EXOSC7: variants seen among roughly 807,000 people sequenced by gnomAD.
The protein encoded by EXOSC7 is exosome complex component RRP42.
EXOSC7 carries 25 observed loss-of-function variants against 34.3 expected under a neutral mutation model. The observed-to-expected ratio is 0.73, with a 90% CI of 0.53 to 1.02. The LOEUF (loss-of-function observed/expected upper bound fraction) is 1.02, where lower values mean the gene tolerates loss of function less well. EXOSC7 is among the 50% of genes least tolerant of loss of function. The probability of loss-of-function intolerance (pLI) is 0.00; values close to 1 mark genes in which losing one functional copy is unlikely to be tolerated. For synonymous variants in EXOSC7, 130 were observed against 143.0 expected, an observed-to-expected ratio of 0.91 and a Z score of 0.65; for missense variants, 370 against 368.5, an observed-to-expected ratio of 1.00 and a Z score of -0.03.
At chr3:44,994,853 ATGGGTGTG>A (rs1463146008) in intron 3 of EXOSC7, among the ~76,000 whole-genome samples, 4 of 98,810 alleles carry the variant, frequency 4.0e-5, no homozygotes, top group African/African-American at 1.6e-4. Flanking sequence ...TGGTGGAAGA[ATGGGTGTG>A]TGTGTGTGTG....
intron 1 of EXOSC7, among the ~76,000 whole-genome samples, chr3:44,979,042 T>C (rs909491119): frequency 6.6e-6 from 1 of 152,238 alleles, no homozygotes; most frequent in Non-Finnish European, 1.5e-5. Flanking sequence ...TGTTGGTAAA[T>C]GCTCAGCTCT....
At chr3:44,981,180 A>G (rs537256100) in intron 1 of EXOSC7, among the ~76,000 whole-genome samples, 1 of 152,360 alleles carries the variant, frequency 6.6e-6, no homozygotes, top group African/African-American at 2.4e-5. Context: ...GGCAGCCACC[A>G]GACATTGGCC....
At chr3:45,002,983 C>G (rs1706921959) in intron 5 of EXOSC7, among the ~76,000 whole-genome samples, 1 of 152,200 alleles carries the variant, frequency 6.6e-6, no homozygotes, top group Non-Finnish European at 1.5e-5. Flanking sequence ...CATCTGCCAG[C>G]TGGTTCCTAT....
chr3:45,007,699 G>A (rs954341480), intron 7 of EXOSC7, 124 bp downstream of exon 7: 2 of 1,085,366 alleles, frequency 1.8e-6, no homozygotes, highest in African/African-American at 1.6e-5. Flanking sequence ...TGGAGATTTG[G>A]GAACAGCTGG....
At chr3:44,979,402 T>G (rs950824311) in intron 1 of EXOSC7, among the ~76,000 whole-genome samples, 2 of 152,246 alleles carry the variant, frequency 1.3e-5, no homozygotes, top group African/African-American at 4.8e-5. Flanking sequence ...CCCTTCAGCC[T>G]TTGGTTCTTT....
intron 1 of EXOSC7, chr3:44,977,221 C>G (rs544773680): frequency 6.6e-6 from 1 of 152,432 alleles, no homozygotes; most frequent in East Asian, 1.9e-4. Flanking sequence ...GTATCCTCCT[C>G]CGGCTGTGTC....
At chr3:44,998,037 T>TG (rs1449738284) in intron 4 of EXOSC7, among the ~76,000 whole-genome samples, 6 of 151,252 alleles carry the variant, frequency 4.0e-5, no homozygotes, top group Non-Finnish European at 7.4e-5. Context: ...TTTTGTTTTT[T>TG]TGTTTTTTTT....
At chr3:44,994,817 C>G (rs779181859) in intron 3 of EXOSC7, among the ~76,000 whole-genome samples, 1 of 151,136 alleles carries the variant, frequency 6.6e-6, no homozygotes, top group Non-Finnish European at 1.5e-5. Context: ...GTCTCTAAAC[C>G]TTCCTCTCTG....
chr3:44,987,415 C>T (rs752404405), intron 1 of EXOSC7, among the ~76,000 whole-genome samples: 2 of 152,146 alleles, frequency 1.3e-5, no homozygotes, highest in Non-Finnish European at 1.5e-5. Context: ...CAAAAATTTA[C>T]AAATGAAAAT....
At chr3:45,002,519 A>T (rs191600678) in intron 5 of EXOSC7, among the ~76,000 whole-genome samples, 3 of 152,292 alleles carry the variant, frequency 2.0e-5, no homozygotes, top group Admixed American at 2.0e-4. Context: ...GCATGTTAAT[A>T]TGGAAAATAG....
At chr3:44,979,597 T>A (rs1706221513) in intron 1 of EXOSC7, among the ~76,000 whole-genome samples, 1 of 118,806 alleles carries the variant, frequency 8.4e-6, no homozygotes, top group African/African-American at 3.1e-5. Context: ...GGTTTTTTTT[T>A]TCCCCCTCTT....
chr3:45,003,338 CGTG>C (rs1706934944), intron 5 of EXOSC7, among the ~76,000 whole-genome samples: 1 of 85,526 alleles, frequency 1.2e-5, no homozygotes, highest in African/African-American at 3.0e-5. Context: ...TGCGTGCGTG[CGTG>C]CGTGCGTGCG....
intron 6 of EXOSC7, among the ~76,000 whole-genome samples, chr3:45,005,726 C>T (rs1470539277): frequency 6.6e-6 from 1 of 152,238 alleles, no homozygotes; most frequent in Middle Eastern, 3.4e-3. Context: ...TTTTAATTAC[C>T]TCAACTCTAT....
intron 7 of EXOSC7, among the ~76,000 whole-genome samples, chr3:45,010,480 C>G (rs1403778472): frequency 6.6e-6 from 1 of 152,192 alleles, no homozygotes; most frequent in Non-Finnish European, 1.5e-5. Context: ...CTCCTGGCCT[C>G]AAGCAAAATC....
At chr3:44,983,852 G>A (rs1706337451) in intron 1 of EXOSC7, among the ~76,000 whole-genome samples, 1 of 130,938 alleles carries the variant, frequency 7.6e-6, no homozygotes, top group East Asian at 3.3e-4. Context: ...CCTTTTATAA[G>A]GAAAACTGGG....
intron 3 of EXOSC7, among the ~76,000 whole-genome samples, chr3:44,995,195 C>A (rs1706687652): frequency 6.6e-6 from 1 of 152,116 alleles, no homozygotes; most frequent in South Asian, 2.1e-4. Context: ...GTTGGTCAGG[C>A]TGGTCTCGAA....
rs118022318 is a variant in EXOSC7 at position 44,984,942 on chromosome 3, A to T, written c.58-4198A>T. 8.1e-4 allele frequency among the ~76,000 whole-genome samples: 124 copies of T among 152,374 alleles called. 5 individuals are homozygous for T. The East Asian group carries it at 0.014, about 18-fold the overall frequency. On this transcript the variant is annotated intron_variant, in intron 1 of 7. Coordinates refer to ENST00000265564, the MANE Select transcript of EXOSC7 (RefSeq NM_015004.4). ...ATGAGGAAACTAATCCAGAGAGGGA[A>T]GGGGCTTGTCCTAAGTCAAGTGGCT... is the stretch of plus-strand genomic sequence containing the variant.
At chr3:44,985,165 G>T (rs1188721801) in intron 1 of EXOSC7, among the ~76,000 whole-genome samples, 1 of 152,226 alleles carries the variant, frequency 6.6e-6, no homozygotes, top group East Asian at 1.9e-4. Flanking sequence ...AAGCCTTCAG[G>T]TTCTATGGGT....
chr3:44,988,095 G>A (rs1172384019), intron 1 of EXOSC7, among the ~76,000 whole-genome samples: 1 of 152,192 alleles, frequency 6.6e-6, no homozygotes, highest in Non-Finnish European at 1.5e-5. Context: ...CTGGTTTTAA[G>A]TACCATTCCC....
Sources: gnomAD v4.1 joint callset for allele counts (sites outside exome capture counted in the v4.1 genomes callset) on GRCh38, gnomAD v4.1.1 for gene constraint, MANE v1.5 for transcripts, NCBI Gene and HGNC (gene_info 2026-07-23, HGNC 2026-07-21) for gene names.